The following MAP3K5 variants were observed in gnomAD, a reference collection of about 807,000 sequenced individuals.
MAP3K5 encodes the protein mitogen-activated protein kinase kinase kinase 5.
Under a neutral mutation model 158.7 loss-of-function variants are expected in MAP3K5, and 56 were observed. That is an observed-to-expected ratio of 0.35 (90% confidence interval 0.28 to 0.44). The LOEUF is 0.44. MAP3K5 is among the 20% of genes least tolerant of loss of function. MAP3K5 has a pLI of 1.00. For synonymous variants in MAP3K5, 579 were observed against 601.7 expected, an observed-to-expected ratio of 0.96 and a Z score of 0.55; for missense variants, 1,294 against 1,674.8, an observed-to-expected ratio of 0.77 and a Z score of 3.97.
chr6:136,674,019 A>G (rs1779596834), intron 7 of MAP3K5, among the ~76,000 whole-genome samples: 1 of 152,170 alleles, frequency 6.6e-6, no homozygotes, highest in Non-Finnish European at 1.5e-5. Flanking sequence ...TCAGCCAGAG[A>G]AAAAAGATAC....
intron 1 of MAP3K5, among the ~76,000 whole-genome samples, chr6:136,790,740 C>A (rs568097239): frequency 6.6e-6 from 1 of 152,286 alleles, no homozygotes; most frequent in African/African-American, 2.4e-5. Context: ...ACTACTAAAC[C>A]AAGTTTTTAC....
chr6:136,754,358 G>A (rs1783369640), intron 1 of MAP3K5, among the ~76,000 whole-genome samples: 1 of 151,956 alleles, frequency 6.6e-6, no homozygotes, highest in Non-Finnish European at 1.5e-5. Flanking sequence ...TGGGGGAACT[G>A]CTTGACCCCA....
intron 15 of MAP3K5, among the ~76,000 whole-genome samples, chr6:136,616,358 G>A (rs1776565443): frequency 6.9e-6 from 1 of 145,970 alleles, no homozygotes; most frequent in Admixed American, 7.0e-5. Flanking sequence ...AGGCTGGGGT[G>A]CAATGGCGTG....
chr6:136,768,607 C>T (rs1397960900), intron 1 of MAP3K5, among the ~76,000 whole-genome samples: 1 of 152,192 alleles, frequency 6.6e-6, no homozygotes, highest in African/African-American at 2.4e-5. Flanking sequence ...CAAAATGGTA[C>T]AGCCACTTTA....
chr6:136,586,164 G>C (rs1482688581), intron 23 of MAP3K5, among the ~76,000 whole-genome samples: 1 of 152,184 alleles, frequency 6.6e-6, no homozygotes, highest in African/African-American at 2.4e-5. Context: ...AACTTTGTTG[G>C]TTTTTTCCTT....
At chr6:136,708,737 C>T (rs563459423) in intron 2 of MAP3K5, among the ~76,000 whole-genome samples, 15 of 152,162 alleles carry the variant, frequency 9.9e-5, no homozygotes, top group South Asian at 4.1e-4. Context: ...GTTAATATTG[C>T]GCACACACAG....
chr6:136,564,561 T>G (rs757464484), intron 26 of MAP3K5, among the ~76,000 whole-genome samples: 2 of 152,222 alleles, frequency 1.3e-5, no homozygotes, highest in Non-Finnish European at 2.9e-5. Flanking sequence ...TGATCTGGTA[T>G]GTATTTTTGT....
chr6:136,639,037 T>C (rs574361277), intron 13 of MAP3K5, among the ~76,000 whole-genome samples: 1 of 152,306 alleles, frequency 6.6e-6, no homozygotes, highest in African/African-American at 2.4e-5. Flanking sequence ...ATCTCTTTTA[T>C]TGGTATAGAT....
chr6:136,666,230 A>G (rs1304961230), intron 8 of MAP3K5, among the ~76,000 whole-genome samples: 1 of 152,232 alleles, frequency 6.6e-6, no homozygotes, highest in East Asian at 1.9e-4. Flanking sequence ...CATAACCGCA[A>G]ACAAACACAC....
Position 136,622,852 on chromosome 6 carries a change from T to C in MAP3K5, c.2146A>G (p.Ser716Gly). 2.5e-6 allele frequency: 4 copies of C among 1,614,030 alleles called. No homozygotes were observed. Among genetic ancestry groups the C allele is most frequent in the Non-Finnish European group, 3.4e-6 (4 of 1,179,920 alleles). Residue 716 changes from serine to glycine, a missense_variant, in exon 15 of 30, where the codon AGC becomes GGC. By Grantham distance (56) the Ser-to-Gly change is moderately conservative (BLOSUM62 0). This residue lies in a region of MAP3K5 where 41 missense variants were observed against 98.2 expected (regional missense o/e 0.42). Coordinates refer to ENST00000359015, the MANE Select transcript of MAP3K5 (RefSeq NM_005923.4). ...TAGTAGCTACAATTACTGTACCTGC[T>C]GTCTCTCTCTGGGATTTCCTTAATA... The part of the protein sequence containing the change: ...IAIKEIPERD[S>G]RYSQPLHEEI...
chr6:136,611,692 T>C (rs1472442530), intron 17 of MAP3K5, among the ~76,000 whole-genome samples: 1 of 152,232 alleles, frequency 6.6e-6, no homozygotes, highest in African/African-American at 2.4e-5. Flanking sequence ...CCCTTGGTCA[T>C]TCCAGGGTGT....
At chr6:136,681,012 C>T (rs1242009923) in intron 7 of MAP3K5, among the ~76,000 whole-genome samples, 2 of 152,168 alleles carry the variant, frequency 1.3e-5, no homozygotes, top group African/African-American at 4.8e-5. Context: ...GGGGAATAGT[C>T]ACATTAACCT....
intron 11 of MAP3K5, among the ~76,000 whole-genome samples, chr6:136,645,796 C>A (rs1275923671): frequency 6.6e-6 from 1 of 152,042 alleles, no homozygotes; most frequent in Non-Finnish European, 1.5e-5. Context: ...TATACTAGCT[C>A]ACAGAGCTAT....
At chr6:136,755,140 G>GA (rs200497526) in intron 1 of MAP3K5, among the ~76,000 whole-genome samples, 71 of 150,336 alleles carry the variant, frequency 4.7e-4, no homozygotes, top group Middle Eastern at 3.4e-3. Flanking sequence ...TCTCTTACAT[G>GA]AAAAAAAAAC....
intron 7 of MAP3K5, among the ~76,000 whole-genome samples, chr6:136,681,733 G>A (rs1562607474): frequency 6.6e-6 from 1 of 152,134 alleles, no homozygotes; most frequent in South Asian, 2.1e-4. Context: ...TGGCTAACAT[G>A]GTGAAACTCC....
chr6:136,583,708 G>A lies in MAP3K5; in HGVS notation c.3258C>T (p.His1086=), dbSNP rs1183783413. The change falls in exon 24 of 30, where the codon CAC becomes CAT. Residue 1086 remains histidine (H), a synonymous_variant. Coordinates refer to ENST00000359015, the MANE Select transcript of MAP3K5 (RefSeq NM_005923.4). ...GAEEPKLKWE[H]ITTLIASLRE... ...TGAGGCTTGCAATGAGGGTTGTGAT[G>A]TGTTCCCATTTTAGTTTCGGTTCTT... 1.2e-6 allele frequency: 2 copies of A among 1,614,054 alleles called. No individual in the cohort carries two copies. The highest frequency in any genetic ancestry group is 1.3e-5 in the African/African-American group (1 of 74,936).
chr6:136,697,251 T>C lies in MAP3K5; in HGVS notation c.943A>G (p.Ile315Val). 6.2e-7 allele frequency: 1 copy of C among 1,613,452 alleles called. No homozygotes were observed. Among genetic ancestry groups the C allele is most frequent in the Non-Finnish European group, 8.5e-7 (1 of 1,179,732 alleles). Residue 315 changes from isoleucine to valine, a missense_variant, in exon 5 of 30, where the codon ATA becomes GTA. Ile to Val is a conservative substitution (Grantham distance 29). Around this residue, in one of 5 missense-constraint regions of MAP3K5, gnomAD observed 690 missense variants for 870.5 expected, o/e 0.79. Coordinates refer to ENST00000359015, the MANE Select transcript of MAP3K5 (RefSeq NM_005923.4). Reference sequence around the variant, plus strand: ...TCTCTGTAGGAAAGTAACAGATTTATGACAATATCTGCTGTCAAGACTTCG... The same window carrying C: ...TCTCTGTAGGAAAGTAACAGATTTACGACAATATCTGCTGTCAAGACTTCG... ...NIEVLTADIV[I>V]NLLLSYRDIQ... is the part of the protein sequence containing the mutation.
At chr6:136,772,669 T>A (rs956006926) in intron 1 of MAP3K5, among the ~76,000 whole-genome samples, 34 of 152,076 alleles carry the variant, frequency 2.2e-4, no homozygotes, top group Non-Finnish European at 5.0e-4. Context: ...TTTGAAAAAA[T>A]GTTAACTGTT....
chr6:136,704,621 T>C (rs894722129), intron 3 of MAP3K5, among the ~76,000 whole-genome samples: 11 of 152,126 alleles, frequency 7.2e-5, no homozygotes, highest in South Asian at 6.2e-4. Context: ...TCTTGGCTCA[T>C]TGCAACCTCC....
Sources: gnomAD v4.1 joint callset for allele counts (sites outside exome capture counted in the v4.1 genomes callset) on GRCh38, gnomAD v4.1.1 for gene constraint, gnomAD v4.1.1 regional missense constraint, MANE v1.5 for transcripts, NCBI Gene and HGNC (gene_info 2026-07-23, HGNC 2026-07-21) for gene names.